Variants in LARP1B observed in about 807,000 individuals in gnomAD.
LARP1B encodes the protein la-related protein 1B.
LARP1B carries 76 observed loss-of-function variants against 114.2 expected under a neutral mutation model. The observed-to-expected ratio is 0.67, with a 90% confidence interval of 0.55 to 0.81. The LOEUF (loss-of-function observed/expected upper bound fraction) is 0.81. LARP1B is among the 30% of genes least tolerant of loss of function. LARP1B has a pLI of 0.00. For missense variants in LARP1B, 1,014 were observed against 1,075.8 expected (o/e 0.94, Z 0.80); for synonymous variants, 345 against 348.0 (o/e 0.99, Z 0.10).
intron 5 of LARP1B, among the ~76,000 whole-genome samples, chr4:128,088,121 A>G (rs1251146516): frequency 6.6e-6 from 1 of 152,012 alleles, no homozygotes; most frequent in Non-Finnish European, 1.5e-5. Context: ...TGAGAGCCCA[A>G]GAGTTCCAGG....
chr4:128,098,218 G>T lies in LARP1B; in HGVS notation c.701G>T (p.Arg234Leu). The change falls in exon 8 of 20, where the codon CGA (arginine) becomes CTA (leucine). Residue 234 changes from arginine to leucine, a missense_variant. Arg to Leu is a moderately radical substitution (Grantham distance 102). Coordinates refer to ENST00000326639, the MANE Select transcript of LARP1B (RefSeq NM_018078.4). ...TACTTCAGTGTAGAAAATTTGGAAC[G>T]AGACTTCTTTCTTCGGGGAAAGATG... ...EYYFSVENLE[R>L]DFFLRGKMDE... The T allele has an allele frequency of 6.2e-7, 1 of 1,612,556 alleles. No individual in the cohort carries two copies. The highest frequency in any genetic ancestry group is 8.5e-7 in the Non-Finnish European group (1 of 1,178,710).
intron 5 of LARP1B, among the ~76,000 whole-genome samples, chr4:128,090,458 A>T (rs968620419): frequency 6.6e-6 from 1 of 151,750 alleles, no homozygotes; most frequent in South Asian, 2.1e-4. Flanking sequence ...TATTTTAGAT[A>T]TTTTTCCCAT....
At chr4:128,066,158 CT>C (rs1371879355) in intron 1 of LARP1B, among the ~76,000 whole-genome samples, 6 of 120,954 alleles carry the variant, frequency 5.0e-5, no homozygotes, top group South Asian at 3.1e-4. Context: ...TATTTTCTTT[CT>C]TTCTTCTTTT....
At chr4:128,207,007 C>G (rs892186298) in intron 18 of LARP1B, among the ~76,000 whole-genome samples, 2 of 152,098 alleles carry the variant, frequency 1.3e-5, no homozygotes, top group Non-Finnish European at 2.9e-5. Context: ...ATGAGAACAC[C>G]CATCTTTTGG....
intron 1 of LARP1B, among the ~76,000 whole-genome samples, chr4:128,065,218 C>T (rs1198634844): frequency 6.6e-6 from 1 of 152,008 alleles, no homozygotes; most frequent in Non-Finnish European, 1.5e-5. Flanking sequence ...ATGGTCTCTT[C>T]CCAACACTGA....
intron 11 of LARP1B, among the ~76,000 whole-genome samples, chr4:128,131,810 T>C (rs1046708542): frequency 6.6e-6 from 1 of 152,198 alleles, no homozygotes; most frequent in Non-Finnish European, 1.5e-5. Flanking sequence ...ACTTGAAAAG[T>C]TGCTTAACAT....
intron 6 of LARP1B, among the ~76,000 whole-genome samples, chr4:128,219,587 T>A (rs1452234543): frequency 8.7e-6 from 1 of 114,384 alleles, no homozygotes; most frequent in Admixed American, 9.6e-5. Context: ...TAGGTGGGAA[T>A]TGAACAATGA....
intron 8 of LARP1B, among the ~76,000 whole-genome samples, chr4:128,106,119 GT>G (rs1227041358): frequency 6.6e-6 from 1 of 151,618 alleles, no homozygotes; most frequent in Non-Finnish European, 1.5e-5. Flanking sequence ...CAGCTCCCTG[GT>G]TCAAGTGATT....
At chr4:128,222,355 C>G (rs2150989291) in exon 8 of LARP1B, 1 of 456,558 alleles carries the variant, frequency 2.2e-6, no homozygotes. Context: ...CCAGAATCAC[C>G]ATGATCGATT....
intron 11 of LARP1B, among the ~76,000 whole-genome samples, chr4:128,146,549 A>G (rs939957936): frequency 6.6e-6 from 1 of 152,206 alleles, no homozygotes; most frequent in African/African-American, 2.4e-5. Flanking sequence ...AATATATTGC[A>G]TAGGGAAACT....
chr4:128,120,872 G>A (rs1029781280), intron 10 of LARP1B, among the ~76,000 whole-genome samples: 4 of 144,642 alleles, frequency 2.8e-5, no homozygotes, highest in South Asian at 4.4e-4. Flanking sequence ...GTCCAGTGGC[G>A]TGATCTCGGC....
At chr4:128,220,038 A>G (rs2150986845) in intron 6 of LARP1B, among the ~76,000 whole-genome samples, 1 of 152,232 alleles carries the variant, frequency 6.6e-6, no homozygotes, top group East Asian at 1.9e-4. Context: ...GGCATGTGCC[A>G]CCACGCCCGG....
chr4:128,084,026 G>C (rs1772149826), intron 5 of LARP1B, among the ~76,000 whole-genome samples: 1 of 151,718 alleles, frequency 6.6e-6, no homozygotes, highest in Non-Finnish European at 1.5e-5. Context: ...CTCAGACGAT[G>C]GGCGGCCGGG....
At chr4:128,088,098 AAGG>A (rs1774380167) in intron 5 of LARP1B, among the ~76,000 whole-genome samples, 1 of 151,868 alleles carries the variant, frequency 6.6e-6, no homozygotes, top group Admixed American at 6.6e-5. Context: ...AGGCTGAGGT[AAGG>A]AGGATTGCTT....
chr4:128,185,194 G>C (rs533435075), intron 15 of LARP1B, among the ~76,000 whole-genome samples: 1 of 152,222 alleles, frequency 6.6e-6, no homozygotes, highest in South Asian at 2.1e-4. Flanking sequence ...TATATATCCA[G>C]CAGGGAGATT....
rs561227087 is a variant in LARP1B, at chr4:128,211,186, G to C, written c.*1133G>C. The C allele has an allele frequency of 2.4e-5, 22 of 927,486 alleles. No individual in the cohort carries two copies. In the African/African-American group the frequency reaches 3.6e-4, roughly 15 times the overall value. The allele number at this position is 927,486 out of a possible 1,614,324, so 57.5% of individuals were successfully genotyped here. On this transcript the variant is annotated 3_prime_UTR_variant, in exon 20 of 20. Coordinates refer to ENST00000326639, the MANE Select transcript of LARP1B (RefSeq NM_018078.4). ...TTATTTAGAATATAGTTGAAAAGCT[G>C]TAATATTCAGTTTTGCTAGTAAAAG...
At chr4:128,111,991 C>T (rs1449788588) in intron 9 of LARP1B, among the ~76,000 whole-genome samples, 1 of 151,584 alleles carries the variant, frequency 6.6e-6, no homozygotes, top group Non-Finnish European at 1.5e-5. Flanking sequence ...TGCCCATCCT[C>T]TGTCTCTTAA....
At chr4:128,069,225 A>G (rs1764246278) in intron 1 of LARP1B, 3 of 1,066,168 alleles carry the variant, frequency 2.8e-6, no homozygotes, top group Non-Finnish European at 4.3e-6. Flanking sequence ...GAATGGATCA[A>G]TGAGGATAAC....
At chr4:128,069,708 G>T in intron 1 of LARP1B, 1 of 347,644 alleles carries the variant, frequency 2.9e-6, no homozygotes, top group South Asian at 3.8e-5. Flanking sequence ...TTGTATTTAT[G>T]GTTGTTTTTT....
Sources: gnomAD v4.1 joint callset for allele counts (sites outside exome capture counted in the v4.1 genomes callset) on GRCh38, gnomAD v4.1.1 for gene constraint, MANE v1.5 for transcripts, NCBI Gene and HGNC (gene_info 2026-07-23, HGNC 2026-07-21) for gene names.